Variants in ATP13A5 observed in about 807,000 individuals in gnomAD.
ATP13A5 encodes the protein probable cation-transporting ATPase 13A5.
ATP13A5 carries 149 observed loss-of-function variants against 150.2 expected under a neutral mutation model. The observed-to-expected ratio is 0.99, with a 90% confidence interval of 0.87 to 1.14. ATP13A5 has a LOEUF of 1.14. Ranked by LOEUF, ATP13A5 falls within the 50% of genes most tolerant of loss-of-function variation. The pLI, the probability that ATP13A5 is intolerant of heterozygous loss-of-function variation, is 0.00. For synonymous variants in ATP13A5, 497 were observed against 522.2 expected (o/e 0.95, Z 0.66); for missense variants, 1,383 against 1,449.3 (o/e 0.95, Z 0.74).
intron 25 of ATP13A5, among the ~76,000 whole-genome samples, chr3:193,298,033 C>G (rs1001082851): frequency 1.3e-5 from 2 of 152,092 alleles, no homozygotes; most frequent in African/African-American, 4.8e-5. Context: ...GTGTCCTGTG[C>G]TGTGATGCAC....
chr3:193,287,739 A>G (rs932181387), intron 26 of ATP13A5, among the ~76,000 whole-genome samples: 1 of 152,164 alleles, frequency 6.6e-6, no homozygotes, highest in Non-Finnish European at 1.5e-5. Flanking sequence ...TCAAAGAGTA[A>G]TTTCAAATTT....
intron 23 of ATP13A5, among the ~76,000 whole-genome samples, chr3:193,304,891 G>A (rs1038608752): frequency 6.6e-6 from 1 of 152,132 alleles, no homozygotes; most frequent in Non-Finnish European, 1.5e-5. Context: ...GGAGAAGTGG[G>A]CACCTTCTTC....
chr3:193,363,916 T>C (rs1713136388), intron 2 of ATP13A5, among the ~76,000 whole-genome samples, 191 bp downstream of exon 2: 1 of 152,046 alleles, frequency 6.6e-6, no homozygotes, highest in Non-Finnish European at 1.5e-5. Context: ...CCTTCCTGGG[T>C]CAAAATGAGA....
chr3:193,285,174 G>GA (rs566606337), intron 26 of ATP13A5, 58 bp from the exon 27 acceptor site: 3,630 of 1,291,766 alleles, frequency 2.8e-3, no homozygotes, highest in Non-Finnish European at 3.3e-3. Context: ...TCCATTAGGT[G>GA]AAAAAAAAAA....
intron 25 of ATP13A5, among the ~76,000 whole-genome samples, chr3:193,294,789 C>T (rs967634977): frequency 2.0e-5 from 3 of 152,116 alleles, no homozygotes; most frequent in Non-Finnish European, 4.4e-5. Flanking sequence ...TTATGCTGTA[C>T]ACCTAACTTA....
chr3:193,326,853 G>A (rs1399479016), intron 13 of ATP13A5, 143 bp downstream of exon 13: 3 of 708,184 alleles, frequency 4.2e-6, no homozygotes, highest in East Asian at 5.8e-5. Flanking sequence ...ATTTAAGCAA[G>A]TTAGAATAAT....
chr3:193,377,931 C>T (rs1713699649), intron 1 of ATP13A5, among the ~76,000 whole-genome samples: 1 of 152,240 alleles, frequency 6.6e-6, no homozygotes. Context: ...GTTATTTAAC[C>T]TCCCTGGTCT....
chr3:193,303,051 A>G (rs2108841725), intron 23 of ATP13A5, among the ~76,000 whole-genome samples: 1 of 152,306 alleles, frequency 6.6e-6, no homozygotes, highest in Middle Eastern at 3.4e-3. Flanking sequence ...ATGCCACTGC[A>G]TGTTGAATGG....
At chr3:193,372,362 C>A (rs115746921) in intron 1 of ATP13A5, 2,774 of 154,420 alleles carry the variant, frequency 0.018, 71 homozygotes, top group African/African-American at 0.057. Context: ...ATCTACCAAC[C>A]CCTACTTTTG....
chr3:193,370,687 C>T (rs1025749666), intron 1 of ATP13A5, among the ~76,000 whole-genome samples: 4 of 152,092 alleles, frequency 2.6e-5, no homozygotes, highest in Admixed American at 2.0e-4. Flanking sequence ...CTATATTTGA[C>T]AATAAGAACT....
intron 23 of ATP13A5, among the ~76,000 whole-genome samples, chr3:193,304,231 T>C (rs1478072770): frequency 2.6e-5 from 4 of 152,132 alleles, no homozygotes; most frequent in African/African-American, 9.7e-5. Flanking sequence ...AATGGCAGAC[T>C]CCAAGGAGTA....
intron 17 of ATP13A5, 77 bp from the exon 18 acceptor site, chr3:193,315,173 A>T: frequency 6.9e-7 from 1 of 1,440,330 alleles, no homozygotes. Context: ...TTCTTTTAAA[A>T]ATTTATAAGT....
chr3:193,366,309 A>G (rs950313282), intron 1 of ATP13A5, among the ~76,000 whole-genome samples: 1 of 152,044 alleles, frequency 6.6e-6, no homozygotes, highest in African/African-American at 2.4e-5. Context: ...AGCAAAGATT[A>G]TTAGACTAGA....
Position 193,345,038 on chromosome 3 carries a change from T to C in ATP13A5, c.779A>G (p.Asn260Ser), listed in dbSNP as rs757230872. The C allele has an allele frequency of 1.3e-5, 21 of 1,613,680 alleles. No individual in the cohort carries two copies. The Admixed American group carries it at 3.2e-4, about 24-fold the overall frequency. Residue 260 changes from asparagine to serine, a missense_variant, in exon 8 of 30, where the codon AAC becomes AGC. Physicochemically the swap from Asn to Ser is conservative, Grantham distance 46. Transcript: ENST00000342358. ...VKLHNLVEDH[N>S]KVQVTIIVKD... ...TACAATGATTGTAACCTGGACTTTGTTGTGGTCCTCCACGAGGTTATGCAG... is the reference window on the plus strand; with the variant it reads ...TACAATGATTGTAACCTGGACTTTGCTGTGGTCCTCCACGAGGTTATGCAG...
intron 26 of ATP13A5, among the ~76,000 whole-genome samples, chr3:193,285,362 T>C (rs917181148): frequency 1.3e-5 from 2 of 152,168 alleles, no homozygotes; most frequent in African/African-American, 4.8e-5. Flanking sequence ...TGGATGACAA[T>C]ATTTTATGAA....
Position 193,369,167 on chromosome 3 carries a change from C to T in ATP13A5, c.64-4887G>A, listed in dbSNP as rs533415808. ...GCAGAGGTGGGAGGATCGCTTGAGC[C>T]CAGGAGTTCAGGGCTTTAGTGAGCC... On this transcript the variant is annotated intron_variant, in intron 1 of 29. Coordinates refer to ENST00000342358, the MANE Select transcript of ATP13A5 (RefSeq NM_198505.4). Among the ~76,000 whole-genome samples, 3 of 152,186 alleles carry T rather than the reference C, an allele frequency of 2.0e-5. No homozygotes were observed. In the East Asian group the frequency reaches 5.8e-4, roughly 29 times the overall value.
At position 193,374,788 on chromosome 3, in the gene ATP13A5, C is replaced by T. The variant is rs184992607; in HGVS notation, c.63+3875G>A. 1.6e-4 allele frequency among the ~76,000 whole-genome samples: 24 copies of T among 152,168 alleles called. No individual in the cohort carries two copies. In the South Asian group the frequency reaches 3.1e-3, roughly 20 times the overall value. On this transcript the variant is annotated intron_variant, in intron 1 of 29. Coordinates refer to ENST00000342358, the MANE Select transcript of ATP13A5 (RefSeq NM_198505.4). ...AAGGTTCTTGCGCTGGGAGGTGGGG[C>T]GAATAAGAGGTAATTAGATTACAAG...
At chr3:193,309,800 T>G (rs1577341144) in intron 21 of ATP13A5, among the ~76,000 whole-genome samples, 2 of 152,318 alleles carry the variant, frequency 1.3e-5, no homozygotes, top group East Asian at 3.9e-4. Context: ...GCATTCAACA[T>G]GTGAATGAGG....
chr3:193,275,298 G>C lies in ATP13A5; in HGVS notation c.3401C>G (p.Ser1134Cys). ...CCAGAGTTCATGATTTTGAAGGATG[G>C]AATCCTGAAAAATCAGATGGGAAAA... ...QFCVAFFVEDSILQNHELWLL... is the reference protein window; with the variant it reads ...QFCVAFFVEDCILQNHELWLL... Residue 1134 changes from serine to cysteine, a missense_variant, in exon 30 of 30, where the codon TCC becomes TGC. Around this residue, in one of 3 missense-constraint regions of ATP13A5, gnomAD observed 568 missense variants for 621.5 expected, o/e 0.91. Coordinates refer to ENST00000342358, the MANE Select transcript of ATP13A5 (RefSeq NM_198505.4). 1 of 1,612,274 alleles carries C rather than the reference G, an allele frequency of 6.2e-7. No homozygotes were observed. Among genetic ancestry groups the C allele is most frequent in the Non-Finnish European group, 8.5e-7 (1 of 1,179,648 alleles).
Sources: allele counts gnomAD v4.1 joint callset (sites outside exome capture counted in the v4.1 genomes callset), GRCh38; gene constraint gnomAD v4.1.1; regional missense constraint gnomAD v4.1.1; transcripts MANE v1.5; gene names NCBI Gene and HGNC (gene_info 2026-07-23, HGNC 2026-07-21).